TMC1: variants seen among roughly 807,000 people sequenced by gnomAD.
The protein encoded by TMC1 is transmembrane channel like 1.
TMC1 carries 84 observed loss-of-function variants against 105.8 expected under a neutral mutation model. The observed-to-expected ratio is 0.79, with a 90% CI of 0.67 to 0.95. The LOEUF is 0.95. TMC1 is among the 40% of genes least tolerant of loss of function. The pLI is 0.00. For synonymous variants in TMC1, 315 were observed against 311.5 expected (o/e 1.01, Z -0.12); for missense variants, 817 against 914.1 (o/e 0.89, Z 1.37).
At chr9:72,772,686 T>C in intron 13 of TMC1, 131 bp downstream of exon 13, 2 of 1,260,332 alleles carry the variant, frequency 1.6e-6, no homozygotes, top group Non-Finnish European at 2.3e-6. Flanking sequence ...AGAGATGAAA[T>C]GTAGTTTTAA....
At chr9:72,835,155 C>G (rs1269942392) in intron 23 of TMC1, among the ~76,000 whole-genome samples, 1 of 152,138 alleles carries the variant, frequency 6.6e-6, no homozygotes, top group Non-Finnish European at 1.5e-5. Context: ...TCCCCAACCC[C>G]CTCAAAATTT....
chr9:72,711,522 T>C (rs530824965), intron 8 of TMC1, among the ~76,000 whole-genome samples: 2 of 152,368 alleles, frequency 1.3e-5, no homozygotes, highest in East Asian at 3.9e-4. Context: ...TAACCAGTGA[T>C]GATGAGCCTT....
At chr9:72,827,075 C>T in intron 21 of TMC1, 81 bp downstream of exon 21, 1 of 1,569,420 alleles carries the variant, frequency 6.4e-7, no homozygotes, top group South Asian at 1.1e-5. Flanking sequence ...TTTCAGCTCT[C>T]TCACTCTCCC....
At chr9:72,738,599 G>T (rs1316500013) in intron 8 of TMC1, among the ~76,000 whole-genome samples, 2 of 151,954 alleles carry the variant, frequency 1.3e-5, no homozygotes, top group Non-Finnish European at 2.9e-5. Context: ...TGTATTTTTA[G>T]TAGAGGCAGG....
intron 4 of TMC1, among the ~76,000 whole-genome samples, chr9:72,646,090 C>G (rs1473993918): frequency 6.6e-6 from 1 of 152,090 alleles, no homozygotes; most frequent in Non-Finnish European, 1.5e-5. Flanking sequence ...CTATATCACA[C>G]TCTGTTTTGT....
chr9:72,792,464 A>G, intron 17 of TMC1, 112 bp downstream of exon 17: 1 of 1,265,638 alleles, frequency 7.9e-7, no homozygotes, highest in Non-Finnish European at 1.1e-6. Context: ...AATAGCTAAG[A>G]TTTGTTGAAT....
intron 23 of TMC1, among the ~76,000 whole-genome samples, chr9:72,834,930 C>G (rs978478472): frequency 1.3e-5 from 2 of 152,106 alleles, no homozygotes; most frequent in African/African-American, 4.8e-5. Flanking sequence ...CCAGAGGTAC[C>G]TGTTGCTGCA....
At chr9:72,704,590 A>C (rs1259016060) in intron 8 of TMC1, among the ~76,000 whole-genome samples, 2 of 152,210 alleles carry the variant, frequency 1.3e-5, no homozygotes, top group Non-Finnish European at 2.9e-5. Flanking sequence ...AACATGGCTC[A>C]GGAGCTAGAG....
chr9:72,582,152 TC>T (rs1824486176), intron 2 of TMC1, among the ~76,000 whole-genome samples: 2 of 152,146 alleles, frequency 1.3e-5, no homozygotes. Flanking sequence ...AGATGGGGTT[TC>T]TCCATCTTGG....
chr9:72,753,171 C>T (rs1827610056), intron 11 of TMC1, among the ~76,000 whole-genome samples: 1 of 151,926 alleles, frequency 6.6e-6, no homozygotes, highest in Admixed American at 6.6e-5. Context: ...AGTTGTCTGG[C>T]TCGTAGAAGA....
At chr9:72,797,071 C>T (rs1485502026) in intron 17 of TMC1, among the ~76,000 whole-genome samples, 1 of 152,060 alleles carries the variant, frequency 6.6e-6, no homozygotes, top group Admixed American at 6.6e-5. Flanking sequence ...TATACACCAA[C>T]AACAGGCAAG....
intron 18 of TMC1, among the ~76,000 whole-genome samples, chr9:72,814,338 A>G (rs182605647): frequency 3.2e-4 from 48 of 152,328 alleles, no homozygotes; most frequent in Non-Finnish European, 5.6e-4. Flanking sequence ...AGAAGGAAAA[A>G]GACTCAGAGT....
chr9:72,665,972 C>G (rs1332981563), intron 5 of TMC1, among the ~76,000 whole-genome samples: 4 of 152,188 alleles, frequency 2.6e-5, no homozygotes, highest in Non-Finnish European at 4.4e-5. Flanking sequence ...CACAGTTCCT[C>G]CATGGCCTTT....
In TMC1 at chr9:72,654,791, T is replaced by G. The variant is rs575788348; in HGVS notation, c.16+6127T>G. ...TCTCATGTATTTGCCATTTTTATTG[T>G]TTTTTTTTTCTTCCATATTTGAGAT... is the stretch of plus-strand genomic sequence containing the variant. On this transcript the variant is annotated intron_variant, in intron 5 of 23. Transcript: ENST00000297784. 2.1e-4 allele frequency among the ~76,000 whole-genome samples: 31 copies of G among 149,412 alleles called. No homozygotes were observed. In the East Asian group the frequency reaches 5.5e-3, roughly 26 times the overall value.
At chr9:72,683,873 ATATT>A (rs1171587551) in intron 5 of TMC1, among the ~76,000 whole-genome samples, 1 of 149,030 alleles carries the variant, frequency 6.7e-6, no homozygotes, top group African/African-American at 2.5e-5. Context: ...TTCTCACCCC[ATATT>A]TATTTTTTTA....
intron 5 of TMC1, 126 bp downstream of exon 5, chr9:72,648,790 T>G: frequency 1.2e-6 from 1 of 802,476 alleles, no homozygotes; most frequent in Non-Finnish European, 2.1e-6. Context: ...CCCTTTTTCA[T>G]TTTTTTCTGT....
chr9:72,811,639 G>A (rs935923124), intron 18 of TMC1, among the ~76,000 whole-genome samples: 2 of 152,156 alleles, frequency 1.3e-5, no homozygotes, highest in African/African-American at 4.8e-5. Context: ...AGGGCATGAT[G>A]GGGTAAGGGA....
At chr9:72,742,653 C>A in intron 10 of TMC1, 128 bp downstream of exon 10, 2 of 820,604 alleles carry the variant, frequency 2.4e-6, no homozygotes, top group Non-Finnish European at 4.1e-6. Flanking sequence ...CAAACAAAAA[C>A]CAAATCAACA....
intron 1 of TMC1, among the ~76,000 whole-genome samples, chr9:72,543,320 G>GC (rs2132065871): frequency 6.6e-6 from 1 of 152,204 alleles, no homozygotes; most frequent in East Asian, 1.9e-4. Flanking sequence ...TCTATCTCCT[G>GC]CATCTCAGGT....
Sources: allele counts gnomAD v4.1 joint callset (sites outside exome capture counted in the v4.1 genomes callset), GRCh38; gene constraint gnomAD v4.1.1; transcripts MANE v1.5; gene names NCBI Gene and HGNC (gene_info 2026-07-23, HGNC 2026-07-21).